MACROD2: variants seen among roughly 807,000 people sequenced by gnomAD.
The protein encoded by MACROD2 is ADP-ribose glycohydrolase MACROD2.
A neutral mutation model predicts 70.4 loss-of-function variants in MACROD2; 36 were observed. That is an observed-to-expected ratio of 0.51 (90% CI 0.39 to 0.68). MACROD2 has a LOEUF of 0.68. Among genes scored for constraint, MACROD2 ranks in the 30% least tolerant of loss-of-function variants. MACROD2 has a pLI of 0.00. For missense variants in MACROD2, 496 were observed against 538.4 expected (o/e 0.92, Z 0.78); for synonymous variants, 172 against 178.8 (o/e 0.96, Z 0.30).
chr20:14,643,207 A>G (rs749393029), intron 4 of MACROD2, among the ~76,000 whole-genome samples: 2 of 152,128 alleles, frequency 1.3e-5, no homozygotes, highest in African/African-American at 2.4e-5. Context: ...CCATTTTTCT[A>G]TATGGAAATT....
intron 5 of MACROD2, among the ~76,000 whole-genome samples, chr20:15,046,378 G>A (rs915240422): frequency 5.9e-5 from 9 of 152,108 alleles, no homozygotes; most frequent in South Asian, 4.2e-4. Flanking sequence ...AACATTTCAC[G>A]CACATGTTCT....
chr20:14,906,222 G>A (rs1166670106), intron 5 of MACROD2, among the ~76,000 whole-genome samples: 3 of 152,168 alleles, frequency 2.0e-5, no homozygotes, highest in South Asian at 4.1e-4. Flanking sequence ...AGCTGTGCGT[G>A]TTAGCTCATG....
Position 14,939,052 on chromosome 20 carries a change from C to T in MACROD2, c.418+254093C>T, listed in dbSNP as rs113567179. On this transcript the variant is annotated intron_variant, in intron 5 of 17. Transcript: ENST00000684519. ...GCACATATTTCTCCCATGCTATGGA[C>T]TCCAACTTCTCTTTGGGGTTGTTTC... Among the ~76,000 whole-genome samples the T allele has an allele frequency of 2.9e-3, 434 of 149,380 alleles. 2 individuals carry two copies. The highest frequency in any genetic ancestry group is 0.01 in the African/African-American group (419 of 40,510).
chr20:15,812,767 T>TG (rs1677179205), intron 8 of MACROD2, among the ~76,000 whole-genome samples: 2 of 152,194 alleles, frequency 1.3e-5, no homozygotes, highest in South Asian at 4.1e-4. Context: ...TTAAGTTGTT[T>TG]GCTTTTGTCT....
chr20:14,963,137 T>C (rs1329994664), intron 5 of MACROD2, among the ~76,000 whole-genome samples: 1 of 152,176 alleles, frequency 6.6e-6, no homozygotes, highest in Non-Finnish European at 1.5e-5. Context: ...CACAGTGCAT[T>C]GGGTGTCTGG....
chr20:15,297,744 T>G (rs952823480), intron 6 of MACROD2, among the ~76,000 whole-genome samples: 1 of 152,232 alleles, frequency 6.6e-6, no homozygotes, highest in Admixed American at 6.5e-5. Context: ...GACCCCTATA[T>G]GACTTTGACT....
intron 5 of MACROD2, among the ~76,000 whole-genome samples, chr20:14,843,904 A>G (rs752706055): frequency 1.3e-4 from 20 of 151,996 alleles, no homozygotes; most frequent in Non-Finnish European, 2.5e-4. Flanking sequence ...GATGCTTGCA[A>G]CCTGCCAAGT....
At chr20:15,885,868 T>C in intron 10 of MACROD2, 57 bp downstream of exon 10, 1 of 1,441,404 alleles carries the variant, frequency 6.9e-7, no homozygotes, top group Non-Finnish European at 9.2e-7. Context: ...TTGTTGTTTA[T>C]GTACACTTCA....
At chr20:14,049,836 C>T (rs768719762) in intron 2 of MACROD2, among the ~76,000 whole-genome samples, 1 of 152,036 alleles carries the variant, frequency 6.6e-6, no homozygotes, top group Non-Finnish European at 1.5e-5. Flanking sequence ...GTAATCCCAG[C>T]TCTTTGGGAG....
At chr20:14,230,695 ATATATG>A (rs1569217561) in intron 3 of MACROD2, among the ~76,000 whole-genome samples, 1 of 100,970 alleles carries the variant, frequency 9.9e-6, no homozygotes, top group African/African-American at 3.8e-5. Flanking sequence ...ATATATATAT[ATATATG>A]GGCCCAGCCT....
chr20:14,921,091 A>G (rs543929828), intron 5 of MACROD2, among the ~76,000 whole-genome samples: 1 of 152,292 alleles, frequency 6.6e-6, no homozygotes, highest in African/African-American at 2.4e-5. Context: ...AATGTATAGA[A>G]TTAAAAAACA....
At chr20:14,947,903 A>C (rs1288846275) in intron 5 of MACROD2, among the ~76,000 whole-genome samples, 2 of 152,200 alleles carry the variant, frequency 1.3e-5, no homozygotes, top group Non-Finnish European at 2.9e-5. Flanking sequence ...CCCAGTGTTT[A>C]TCAAGTACAA....
At chr20:15,171,366 A>T (rs574807408) in intron 5 of MACROD2, among the ~76,000 whole-genome samples, 56 of 136,504 alleles carry the variant, frequency 4.1e-4, no homozygotes, top group African/African-American at 1.6e-3. Flanking sequence ...CCTCCCCTCC[A>T]TCCTTCCCCC....
intron 5 of MACROD2, among the ~76,000 whole-genome samples, chr20:15,126,522 A>C (rs1276313440): frequency 6.6e-6 from 1 of 152,104 alleles, no homozygotes; most frequent in African/African-American, 2.4e-5. Flanking sequence ...AAAATCTTGC[A>C]GCTTACAGTA....
chr20:14,227,850 G>C (rs1237583385), intron 3 of MACROD2, among the ~76,000 whole-genome samples: 1 of 151,920 alleles, frequency 6.6e-6, no homozygotes, highest in African/African-American at 2.4e-5. Context: ...TAAAATACAT[G>C]GTCCAGGATT....
At chr20:14,068,840 G>A (rs1006905898) in intron 2 of MACROD2, among the ~76,000 whole-genome samples, 4 of 152,186 alleles carry the variant, frequency 2.6e-5, no homozygotes, top group African/African-American at 9.7e-5. Context: ...TGGGCTGTTT[G>A]GGATCCATTA....
rs566765804 is a variant in MACROD2 at position 15,985,588 on chromosome 20, G to A, written c.986-1139G>A. On this transcript the variant is annotated intron_variant, in intron 13 of 17. Transcript: ENST00000684519. The stretch of plus-strand genomic sequence containing the variant: ...AATCCTCCACGGGGGCCTGCTATGC[G>A]CTGCTCTGGCAAGGCGTTCCACTGG... 8.5e-5 allele frequency among the ~76,000 whole-genome samples: 13 copies of A among 152,238 alleles called. No individual in the cohort carries two copies. In the East Asian group the frequency reaches 1.7e-3, roughly 20 times the overall value.
At chr20:15,806,515 T>G (rs1435351182) in intron 8 of MACROD2, among the ~76,000 whole-genome samples, 2 of 152,182 alleles carry the variant, frequency 1.3e-5, no homozygotes. Flanking sequence ...CTGTGATTAT[T>G]TATTTATTTT....
chr20:15,955,805 T>TA (rs2065968664), intron 12 of MACROD2, among the ~76,000 whole-genome samples: 1 of 152,136 alleles, frequency 6.6e-6, no homozygotes, highest in Non-Finnish European at 1.5e-5. Context: ...GTAGTCAACA[T>TA]AAAAATTATT....
Sources: gnomAD v4.1 joint callset for allele counts (sites outside exome capture counted in the v4.1 genomes callset) on GRCh38, gnomAD v4.1.1 for gene constraint, MANE v1.5 for transcripts, NCBI Gene and HGNC (gene_info 2026-07-23, HGNC 2026-07-21) for gene names.